USF3: variants seen among roughly 807,000 people sequenced by gnomAD.
USF3 encodes upstream transcription factor family member 3.
A neutral mutation model predicts 157.5 loss-of-function variants in USF3; 29 were observed. That is an observed-to-expected ratio of 0.18 (90% CI 0.14 to 0.25). The LOEUF (loss-of-function observed/expected upper bound fraction) is 0.25, where lower values mean the gene tolerates loss of function less well. Ranked by LOEUF, USF3 falls within the 10% of genes least tolerant of loss-of-function variation. USF3 has a pLI of 1.00. For synonymous variants in USF3, 893 were observed against 941.4 expected (o/e 0.95, Z 0.94); for missense variants, 2,381 against 2,667.6 (o/e 0.89, Z 2.37).
Position 113,651,136 on chromosome 3 carries a change from TGAAAG to T in USF3, c.*3803_*3807del, listed in dbSNP as rs1292677714. On this transcript the variant is annotated 3_prime_UTR_variant, in exon 7 of 7. Coordinates refer to ENST00000316407, the MANE Select transcript of USF3 (RefSeq NM_001009899.4). ...TTCATTAGAAGTTATTGTTAAATGTTGAAAGGAATCAACCACTTTTTATAACGGAC... is the reference window on the plus strand; with the variant it reads ...TTCATTAGAAGTTATTGTTAAATGTTGAATCAACCACTTTTTATAACGGAC... The T allele has an allele frequency of 6.6e-6, 1 of 152,184 alleles. No individual in the cohort carries two copies. The highest frequency in any genetic ancestry group is 2.4e-5 in the African/African-American group (1 of 41,444). The allele number at this position is 152,184 out of a possible 1,614,324, so 9.4% of individuals were successfully genotyped here.
rs774349687 is a variant in USF3, at chr3:113,664,348, T to C, written c.221A>G (p.Asp74Gly). ...KYITELKRQN[D>G]ELLLNGGNNE... ...GTTTCCTCCATTAAGCAGGAGTTCA[T>C]CATTTTGCCTTTTCAATTCTGTTAT... The change falls in exon 6 of 7, where the codon GAT becomes GGT. Residue 74 changes from aspartate (D) to glycine (G), a missense_variant. Physicochemically the swap from Asp to Gly is moderately conservative, Grantham distance 94. Transcript: ENST00000316407. The C allele has an allele frequency of 1.9e-6, 3 of 1,608,996 alleles. No individual in the cohort carries two copies. Among genetic ancestry groups the C allele is most frequent in the South Asian group, 1.1e-5 (1 of 90,552 alleles).
chr3:113,657,296 CTGCTTT>C lies in USF3; in HGVS notation c.4380_4385del (p.Ile1460_Gln1462delinsMet). 6.6e-7 allele frequency: 1 copy of C among 1,522,330 alleles called. No individual in the cohort carries two copies. The highest frequency in any genetic ancestry group is 1.2e-5 in the South Asian group (1 of 86,770). 94.3% of individuals were successfully genotyped at this position (1,522,330 alleles called of 1,614,324 possible). ...GCTGCTGCTGCTGCTGCTGCTGCTG[CTGCTTT>C]ATGTAGAGATGGTTACTATGAAGGT... On this transcript the variant is annotated inframe_deletion, in exon 7 of 7. Coordinates refer to ENST00000316407, the MANE Select transcript of USF3 (RefSeq NM_001009899.4).
chr3:113,681,563 T>A (rs1707429896), intron 1 of USF3, among the ~76,000 whole-genome samples: 1 of 146,900 alleles, frequency 6.8e-6, no homozygotes, highest in Non-Finnish European at 1.5e-5. Flanking sequence ...AATTTTTTTT[T>A]TTTTTTTTTT....
chr3:113,665,067 T>C (rs903819203), intron 5 of USF3, among the ~76,000 whole-genome samples: 1 of 152,072 alleles, frequency 6.6e-6, no homozygotes, highest in Non-Finnish European at 1.5e-5. Flanking sequence ...CTGAGAACAT[T>C]TGTTGTATAT....
In USF3 at chr3:113,658,377, G is replaced by A; in HGVS notation, c.3305C>T (p.Ser1102Phe). 1 of 1,614,130 alleles carries A rather than the reference G, an allele frequency of 6.2e-7. No individual in the cohort carries two copies. The highest frequency in any genetic ancestry group is 8.5e-7 in the Non-Finnish European group (1 of 1,180,014). Residue 1102 changes from serine to phenylalanine, a missense_variant, in exon 7 of 7, where the codon TCC becomes TTC. Physicochemically the swap from Ser to Phe is radical, Grantham distance 155. Coordinates refer to ENST00000316407, the MANE Select transcript of USF3 (RefSeq NM_001009899.4). ...TTCTCTTGTTGTTTCAGGAAGCATG[G>A]ATGCAACTGAGAAACTACGACTACT... ...SGSSRSFSVASMLPETTREDV... is the reference protein window; with the variant it reads ...SGSSRSFSVAFMLPETTREDV...
In USF3 at chr3:113,661,073, A is replaced by C. The variant is rs1947476513; in HGVS notation, c.609T>G (p.Pro203=). The C allele has an allele frequency of 1.2e-6, 2 of 1,614,090 alleles. No individual in the cohort carries two copies. Among genetic ancestry groups the C allele is most frequent in the Non-Finnish European group, 1.7e-6 (2 of 1,180,042 alleles). The change falls in exon 7 of 7, where the codon CCT becomes CCG. Residue 203 remains proline (P), a synonymous_variant. Transcript: ENST00000316407. ...VTPVSISGVY[P]SENKPWHQTT... ...TCTGATGCCATGGCTTGTTTTCAGAAGGGTAAACTCCAGAAATAGATACAG... is the reference window on the plus strand; with the variant it reads ...TCTGATGCCATGGCTTGTTTTCAGACGGGTAAACTCCAGAAATAGATACAG...
Position 113,655,249 on chromosome 3 carries a change from T to C in USF3, c.6433A>G (p.Ser2145Gly), listed in dbSNP as rs1288147265. 1 of 1,614,162 alleles carries C rather than the reference T, an allele frequency of 6.2e-7. No homozygotes were observed. The highest frequency in any genetic ancestry group is 2.2e-5 in the East Asian group (1 of 44,888). The change falls in exon 7 of 7, where the codon AGT (serine) becomes GGT (glycine). Residue 2145 changes from serine (S) to glycine (G), a missense_variant. Coordinates refer to ENST00000316407, the MANE Select transcript of USF3 (RefSeq NM_001009899.4). ...FSNPSTEKVN[S>G]GSLNNRFGSI... ...CCAAATCGGTTATTTAAACTTCCAC[T>C]GTTTACCTTCTCTGTGCTAGGATTT... is the stretch of plus-strand genomic sequence containing the variant.
At chr3:113,673,434 C>T (rs1707208261) in intron 3 of USF3, 58 bp from the exon 4 acceptor site, 1 of 988,028 alleles carries the variant, frequency 1.0e-6, no homozygotes, top group South Asian at 1.4e-5. Flanking sequence ...GTATTTTTAC[C>T]ATTTTATACT....
At position 113,660,739 on chromosome 3, in the gene USF3, G is replaced by A. The variant is rs770087173; in HGVS notation, c.943C>T (p.His315Tyr). The change falls in exon 7 of 7, where the codon CAC becomes TAC. Residue 315 changes from histidine (H) to tyrosine (Y), a missense_variant. Physicochemically the swap from His to Tyr is moderately conservative, Grantham distance 83. Around this residue, in one of 6 missense-constraint regions of USF3, gnomAD observed 1,435 missense variants for 1,550.9 expected, o/e 0.93. Transcript: ENST00000316407. Reference sequence around the variant, plus strand: ...CTCAGGCAGGACTTGTTTCCATGGTGCACTTTAGTGGCAGTTGCTGAGGAG... The same window carrying A: ...CTCAGGCAGGACTTGTTTCCATGGTACACTTTAGTGGCAGTTGCTGAGGAG... ...HSSSATATKV[H>Y]HGNKSCLSIQ... 1.2e-6 allele frequency: 2 copies of A among 1,614,212 alleles called. No individual in the cohort carries two copies. The highest frequency in any genetic ancestry group is 1.7e-6 in the Non-Finnish European group (2 of 1,180,036).
chr3:113,657,180 G>C lies in USF3; in HGVS notation c.4502C>G (p.Ser1501Cys), dbSNP rs1428863386. Residue 1501 changes from serine (S) to cysteine (C), a missense_variant, in exon 7 of 7, where the codon TCT (serine) becomes TGT (cysteine). This residue lies in a region of USF3 where 50 missense variants were observed against 79.7 expected (regional missense o/e 0.63). Coordinates refer to ENST00000316407, the MANE Select transcript of USF3 (RefSeq NM_001009899.4). Reference sequence around the variant, plus strand: ...GACATTATGGGGCTGAGAGTGGACAGAGCTCTCTGCATGAGGTACATGATG... The same window carrying C: ...GACATTATGGGGCTGAGAGTGGACACAGCTCTCTGCATGAGGTACATGATG... Reference protein sequence around the residue: ...MQHHVPHAESSVHSQPHNVHQ... With the variant: ...MQHHVPHAESCVHSQPHNVHQ... 4 of 1,614,166 alleles carry C rather than the reference G, an allele frequency of 2.5e-6. No homozygotes were observed. Among genetic ancestry groups the C allele is most frequent in the East Asian group, 2.2e-5 (1 of 44,882 alleles).
At chr3:113,672,464 C>G (rs1707180551) in intron 4 of USF3, among the ~76,000 whole-genome samples, 1 of 151,820 alleles carries the variant, frequency 6.6e-6, no homozygotes, top group African/African-American at 2.4e-5. Flanking sequence ...ACAGCTGACT[C>G]CAATCAAAAA....
rs1353292958 is a variant in USF3, at chr3:113,649,856, C to G, written c.*5088G>C. The G allele has an allele frequency of 2.8e-6, 2 of 702,690 alleles. No individual in the cohort carries two copies. The allele number at this position is 702,690 out of a possible 1,614,324, so 43.5% of individuals were successfully genotyped here. A position where few individuals can be genotyped will look rare whatever the true frequency, so the allele number is the denominator to read the frequency against. On this transcript the variant is annotated 3_prime_UTR_variant, in exon 7 of 7. Transcript: ENST00000316407. ...CCACAGGTTCTAGTAGAAACCTACG[C>G]ATGAAGAATAGAATGCAGACAGAAT...
chr3:113,683,953 G>A (rs1014769183), intron 1 of USF3, among the ~76,000 whole-genome samples: 4 of 152,078 alleles, frequency 2.6e-5, no homozygotes, highest in African/African-American at 7.2e-5. Flanking sequence ...CTGTTACCAC[G>A]TACCTTCAGA....
chr3:113,691,520 C>A (rs574908085), intron 1 of USF3, among the ~76,000 whole-genome samples: 2 of 152,226 alleles, frequency 1.3e-5, no homozygotes, highest in African/African-American at 4.8e-5. Flanking sequence ...CTTCTCTGTC[C>A]CATTCCTGAA....
intron 5 of USF3, among the ~76,000 whole-genome samples, chr3:113,666,803 T>TGGTCGTTAACCAGGA (rs1228617110): frequency 3.3e-5 from 5 of 151,478 alleles, no homozygotes; most frequent in South Asian, 4.2e-4. Flanking sequence ...TTAACCAGGA[T>TGGTCGTTAACCAGGA]GGTCGTGATC....
In USF3 at chr3:113,657,260, C is replaced by CTGT. The variant is rs749978501; in HGVS notation, c.4419_4421dup (p.Gln1478dup). 8.4e-6 allele frequency: 13 copies of CTGT among 1,542,554 alleles called. No individual in the cohort carries two copies. The South Asian group carries it at 1.4e-4, about 16-fold the overall frequency. ...TTAACTGCCCTGCTTGTTGTTGTTG[C>CTGT]TGTTGCTGCTGCTGCTGCTGCTGCT... On this transcript the variant is annotated inframe_insertion, in exon 7 of 7. Coordinates refer to ENST00000316407, the MANE Select transcript of USF3 (RefSeq NM_001009899.4).
In USF3 at chr3:113,655,010, C is replaced by T; in HGVS notation, c.6672G>A (p.Gln2224=). ...ANSSASDSSK[Q]SSNRPAHNIS... is the part of the protein sequence containing the mutation. ...TGTTATGGGCAGGTCTGTTTGAGGA[C>T]TGCTTGGAAGAGTCAGAGGCAGAGG... is the stretch of plus-strand genomic sequence containing the variant. The change falls in exon 7 of 7, where the codon CAG becomes CAA. Residue 2224 remains glutamine (Q), a synonymous_variant. Transcript: ENST00000316407. 1 of 1,614,124 alleles carries T rather than the reference C, an allele frequency of 6.2e-7. No homozygotes were observed. Among genetic ancestry groups the T allele is most frequent in the Non-Finnish European group, 8.5e-7 (1 of 1,180,000 alleles).
At position 113,654,921 on chromosome 3, in the gene USF3, C is replaced by T. The variant is rs1283146945; in HGVS notation, c.*23G>A. 6.3e-7 allele frequency: 1 copy of T among 1,589,794 alleles called. No individual in the cohort carries two copies. The highest frequency in any genetic ancestry group is 1.1e-5 in the South Asian group (1 of 87,110). On this transcript the variant is annotated 3_prime_UTR_variant, in exon 7 of 7. Coordinates refer to ENST00000316407, the MANE Select transcript of USF3 (RefSeq NM_001009899.4). ...ATACATTTGTAATCTCACTCATTAC[C>T]TTTACATTTTGTTTATCAGTATTTA...
At chr3:113,663,582 C>T (rs1218899535) in intron 6 of USF3, among the ~76,000 whole-genome samples, 2 of 152,214 alleles carry the variant, frequency 1.3e-5, no homozygotes, top group African/African-American at 2.4e-5. Context: ...CTGACCTTAC[C>T]TCAGGCAATT....
Sources: allele counts gnomAD v4.1 joint callset (sites outside exome capture counted in the v4.1 genomes callset), GRCh38; gene constraint gnomAD v4.1.1; regional missense constraint gnomAD v4.1.1; transcripts MANE v1.5; gene names NCBI Gene and HGNC (gene_info 2026-07-23, HGNC 2026-07-21).